Variants in SCAP observed in about 807,000 individuals in gnomAD.
SCAP encodes SREBF chaperone.
Under a neutral mutation model 123.6 loss-of-function variants are expected in SCAP, and 65 were observed. The observed-to-expected ratio is 0.53, with a 90% CI of 0.43 to 0.65. The LOEUF is 0.65. SCAP is among the 30% of genes least tolerant of loss of function. SCAP has a pLI of 0.00. For missense variants in SCAP, 1,398 were observed against 1,712.5 expected (o/e 0.82, Z 3.24); for synonymous variants, 740 against 726.3 (o/e 1.02, Z -0.30).
intron 8 of SCAP, 74 bp from the exon 9 acceptor site, chr3:47,424,119 G>T: frequency 8.6e-7 from 1 of 1,164,114 alleles, no homozygotes; most frequent in Non-Finnish European, 1.3e-6. Flanking sequence ...CAGGAAGGCT[G>T]TGGGGTTTCC....
chr3:47,465,725 C>T lies in SCAP; in HGVS notation c.-99+10074G>A, dbSNP rs553171240. On this transcript the variant is annotated intron_variant, in intron 1 of 22. Transcript: ENST00000265565. ...TCAAGGCTGTAGTGAGCAGTGACTG[C>T]GCCAATGCATTCCAGCCTAGGTGAC... is the stretch of plus-strand genomic sequence containing the variant. Among the ~76,000 whole-genome samples, 4 of 151,492 alleles carry T rather than the reference C, an allele frequency of 2.6e-5. No individual in the cohort carries two copies. In the South Asian group the frequency reaches 8.3e-4, roughly 32 times the overall value.
chr3:47,413,724 A>AAAG lies in SCAP; in HGVS notation c.*127_*129dup. 1.5e-6 allele frequency: 2 copies of AAAG among 1,295,110 alleles called. No individual in the cohort carries two copies. The highest frequency in any genetic ancestry group is 2.9e-5 in the South Asian group (2 of 69,342). 80.2% of individuals were successfully genotyped at this position (1,295,110 alleles called of 1,614,324 possible). On this transcript the variant is annotated 3_prime_UTR_variant, in exon 23 of 23. Transcript: ENST00000265565. ...ACAGATGATGATATGGTTTTTTAAAAAAGTTTAATATTATTACAGTCAGGA... is the reference window on the plus strand; with the variant it reads ...ACAGATGATGATATGGTTTTTTAAAAAAGAAGTTTAATATTATTACAGTCAGGA...
chr3:47,442,976 C>A lies in SCAP; in HGVS notation c.18G>T (p.Arg6Ser), dbSNP rs781013998. The A allele has an allele frequency of 6.2e-7, 1 of 1,613,864 alleles. No homozygotes were observed. The highest frequency in any genetic ancestry group is 8.5e-7 in the Non-Finnish European group (1 of 1,180,036). ...AGGCCCGAGATATCTTCTCACGCAG[C>A]CTTTCAGTCAGGGTCATCCTCAGCC... is the stretch of plus-strand genomic sequence containing the variant. MTLTE[R>S]LREKISRAFY... is the part of the protein sequence containing the mutation. Residue 6 changes from arginine to serine, a missense_variant, in exon 2 of 23, where the codon AGG (arginine) becomes AGT (serine). By Grantham distance (110) the Arg-to-Ser change is moderately radical. Around this residue, in one of 7 missense-constraint regions of SCAP, gnomAD observed 319 missense variants for 432.4 expected, o/e 0.74. Coordinates refer to ENST00000265565, the MANE Select transcript of SCAP (RefSeq NM_012235.4).
Position 47,417,768 on chromosome 3 carries a change from G to C in SCAP, c.2506C>G (p.Arg836Gly). ...SGLEAQESWE[R>G]LSDGGKAGPE... ...CCAGCCTTCCCACCATCTGAAAGTC[G>C]TTCCCAGCTCTCCTGAGCCTCAAGC... is the stretch of plus-strand genomic sequence containing the variant. Residue 836 changes from arginine (R) to glycine (G), a missense_variant, in exon 17 of 23, where the codon CGA becomes GGA. This residue lies in a region of SCAP where 828 missense variants were observed against 882.5 expected (regional missense o/e 0.94). Transcript: ENST00000265565. 6.3e-7 allele frequency: 1 copy of C among 1,591,936 alleles called. No homozygotes were observed.
chr3:47,415,386 A>G lies in SCAP; in HGVS notation c.3057-206T>C, dbSNP rs1078224. On this transcript the variant is annotated intron_variant, in intron 18 of 22. Transcript: ENST00000265565. ...CTTGTGCCTCAGTTTCTTCATCCGT[A>G]AAATGGGGATAAGAGTACCCACCTC... 4.1e-4 allele frequency among the ~76,000 whole-genome samples: 63 copies of G among 152,324 alleles called. 2 individuals carry two copies. The East Asian group carries it at 0.01, about 25-fold the overall frequency.
chr3:47,468,516 C>T (rs1394551344), intron 1 of SCAP, among the ~76,000 whole-genome samples: 1 of 152,174 alleles, frequency 6.6e-6, no homozygotes, highest in Non-Finnish European at 1.5e-5. Context: ...TAAATGTCTT[C>T]TTTTGAGAAG....
chr3:47,414,128 C>T lies in SCAP; in HGVS notation c.3595-29G>A, dbSNP rs750780254. 1.9e-6 allele frequency: 3 copies of T among 1,613,398 alleles called. No homozygotes were observed. The Admixed American group carries it at 5.0e-5, about 27-fold the overall frequency. ...GAGGCAAGGACATGACAAGCTCAGT[C>T]CTGAGTCCTTCCCTAAAATCCCAAG... On this transcript the variant is annotated intron_variant, in intron 22 of 22. Transcript: ENST00000265565.
intron 3 of SCAP, among the ~76,000 whole-genome samples, chr3:47,431,590 C>T (rs1030349431): frequency 1.3e-5 from 2 of 152,050 alleles, no homozygotes; most frequent in African/African-American, 4.8e-5. Context: ...ACTGGTCAGG[C>T]ATTTTGTAGG....
In SCAP at chr3:47,414,915, G is replaced by A. The variant is rs1576241313; in HGVS notation, c.3218C>T (p.Thr1073Ile). The A allele has an allele frequency of 1.9e-6, 3 of 1,612,794 alleles. No homozygotes were observed. The highest frequency in any genetic ancestry group is 4.5e-5 in the East Asian group (2 of 44,876). ...SDTVACHLTH[T>I]VPCAHQKPIT... Reference sequence around the variant, plus strand: ...GGGTTTTTGGTGTGCACAGGGCACTGTGTGGGTCAGGTGACAGGCCACTGT... The same window carrying A: ...GGGTTTTTGGTGTGCACAGGGCACTATGTGGGTCAGGTGACAGGCCACTGT... Residue 1073 changes from threonine to isoleucine, a missense_variant, in exon 20 of 23, where the codon ACA (threonine) becomes ATA (isoleucine). By Grantham distance (89) the Thr-to-Ile change is moderately conservative. Around this residue, in one of 7 missense-constraint regions of SCAP, gnomAD observed 828 missense variants for 882.5 expected, o/e 0.94. Coordinates refer to ENST00000265565, the MANE Select transcript of SCAP (RefSeq NM_012235.4).
rs781138679 is a variant in SCAP, at chr3:47,426,166, G to A, written c.741C>T (p.Phe247=). ...TCAGGCGGGCACGCAGGCTGCCCAG[G>A]AACCTGGTCAAGGAGCAGGGTGGGG... ...TLVFQHYHAK[F]LGSLRARLML... is the part of the protein sequence containing the mutation. The change falls in exon 7 of 23, where the codon TTC becomes TTT. Residue 247 remains phenylalanine (F), a synonymous_variant. Coordinates refer to ENST00000265565, the MANE Select transcript of SCAP (RefSeq NM_012235.4). The A allele has an allele frequency of 5.0e-6, 8 of 1,612,820 alleles. No individual in the cohort carries two copies. Among genetic ancestry groups the A allele is most frequent in the Non-Finnish European group, 6.8e-6 (8 of 1,179,650 alleles).
At position 47,415,005 on chromosome 3, in the gene SCAP, A is replaced by C; in HGVS notation, c.3140-12T>G. On this transcript the variant is annotated splice_polypyrimidine_tract_variant and intron_variant, in intron 19 of 22. Coordinates refer to ENST00000265565, the MANE Select transcript of SCAP (RefSeq NM_012235.4). ...CCGCCCTGGGGTCCCTGAGGACAAA[A>C]GGCCAAGTGAAGAATCTCTGAGAAA... 2 of 1,581,290 alleles carry C rather than the reference A, an allele frequency of 1.3e-6. No individual in the cohort carries two copies. The highest frequency in any genetic ancestry group is 1.7e-6 in the Non-Finnish European group (2 of 1,164,630).
intron 1 of SCAP, among the ~76,000 whole-genome samples, chr3:47,467,262 CAATT>C (rs1175978595): frequency 6.6e-6 from 1 of 151,830 alleles, no homozygotes; most frequent in Non-Finnish European, 1.5e-5. Flanking sequence ...AACAAAATAA[CAATT>C]AATAACTCAA....
At chr3:47,441,882 T>C (rs1163619595) in intron 2 of SCAP, among the ~76,000 whole-genome samples, 2 of 145,180 alleles carry the variant, frequency 1.4e-5, no homozygotes, top group African/African-American at 2.6e-5. Context: ...TTCTTTTTTT[T>C]TTTTTTTTTT....
Position 47,443,295 on chromosome 3 carries a change from CT to C in SCAP, c.-98-205del, listed in dbSNP as rs1186743522. 5.0e-4 allele frequency: 104 copies of C among 209,156 alleles called. 1 individual carries two copies. Among genetic ancestry groups the C allele is most frequent in the Non-Finnish European group, 7.8e-4 (80 of 102,368 alleles). The allele number at this position is 209,156 out of a possible 1,614,324, so 13.0% of individuals were successfully genotyped here. A position where few individuals can be genotyped will look rare whatever the true frequency, so the allele number is the denominator to read the frequency against. ...ACACACACTCTCTCTCTCTCTCTCTCTCTCTCTCTCTCTCTCCCTCCCCGCC... is the reference window on the plus strand; with the variant it reads ...ACACACACTCTCTCTCTCTCTCTCTCCTCTCTCTCTCTCTCCCTCCCCGCC... On this transcript the variant is annotated intron_variant, in intron 1 of 22. Coordinates refer to ENST00000265565, the MANE Select transcript of SCAP (RefSeq NM_012235.4).
At chr3:47,472,010 C>G (rs1283835514) in intron 1 of SCAP, among the ~76,000 whole-genome samples, 1 of 151,830 alleles carries the variant, frequency 6.6e-6, no homozygotes, top group Non-Finnish European at 1.5e-5. Flanking sequence ...TGTGGTGGTG[C>G]ACAGCTGTAA....
At position 47,417,626 on chromosome 3, in the gene SCAP, G is replaced by A. The variant is rs1402784347; in HGVS notation, c.2648C>T (p.Ala883Val). Reference sequence around the variant, plus strand: ...AGTGGGCTGTGAGGACCGAGGCTGCGCTGAAAAGTTGGTGTCAATTAAGCA... The same window carrying A: ...AGTGGGCTGTGAGGACCGAGGCTGCACTGAAAAGTTGGTGTCAATTAAGCA... ...LTCLIDTNFS[A>V]QPRSSQPTQP... Residue 883 changes from alanine (A) to valine (V), a missense_variant, in exon 17 of 23, where the codon GCG becomes GTG. By Grantham distance (64) the Ala-to-Val change is moderately conservative. This residue lies in a region of SCAP where 828 missense variants were observed against 882.5 expected (regional missense o/e 0.94). Transcript: ENST00000265565. 8.1e-6 allele frequency: 13 copies of A among 1,608,398 alleles called. No homozygotes were observed. The highest frequency in any genetic ancestry group is 2.2e-5 in the East Asian group (1 of 44,582).
At position 47,418,441 on chromosome 3, in the gene SCAP, G is replaced by T; in HGVS notation, c.2211C>A (p.Asn737Lys). Reference protein sequence around the residue: ...LCLYRVLCPRNYGQLGGGPGR... With the variant: ...LCLYRVLCPRKYGQLGGGPGR... ...CGGGCCCACCACCCAGCTGCCCGTA[G>T]TTGCGCGGGCATAGCACGCGGTAGA... Residue 737 changes from asparagine (N) to lysine (K), a missense_variant, in exon 15 of 23, where the codon AAC (asparagine) becomes AAA (lysine). Physicochemically the swap from Asn to Lys is moderately conservative, Grantham distance 94. Transcript: ENST00000265565. The T allele has an allele frequency of 6.3e-7, 1 of 1,593,344 alleles. No individual in the cohort carries two copies. The highest frequency in any genetic ancestry group is 8.5e-7 in the Non-Finnish European group (1 of 1,172,880).
At chr3:47,472,353 A>C (rs865775798) in intron 1 of SCAP, among the ~76,000 whole-genome samples, 2 of 150,782 alleles carry the variant, frequency 1.3e-5, no homozygotes, top group Non-Finnish European at 3.0e-5. Flanking sequence ...AGAATGGCGT[A>C]AACCCGGGAA....
intron 18 of SCAP, 60 bp from the exon 19 acceptor site, chr3:47,415,240 G>C (rs571120477): frequency 1.4e-6 from 2 of 1,479,384 alleles, no homozygotes; most frequent in African/African-American, 1.4e-5. Flanking sequence ...CTGGGGCTGA[G>C]CATGTGGACA....
Sources: gnomAD v4.1 joint callset for allele counts (sites outside exome capture counted in the v4.1 genomes callset) on GRCh38, gnomAD v4.1.1 for gene constraint, gnomAD v4.1.1 regional missense constraint, MANE v1.5 for transcripts, NCBI Gene and HGNC (gene_info 2026-07-23, HGNC 2026-07-21) for gene names.